Variants in ACTA1 observed in about 807,000 individuals in gnomAD.
ACTA1 encodes actin alpha 1, skeletal muscle, also known as actin, alpha skeletal muscle.
ACTA1 carries 25 observed loss-of-function variants against 35.8 expected under a neutral mutation model. That is an observed-to-expected ratio of 0.70 (90% CI 0.51 to 0.97). The LOEUF is 0.97. ACTA1 is among the 50% of genes least tolerant of loss of function. ACTA1 has a pLI of 0.00. For synonymous variants in ACTA1, 219 were observed against 217.1 expected (o/e 1.01, Z -0.08); for missense variants, 174 against 533.0 (o/e 0.33, Z 6.63).
chr1:229,432,146 C>A lies in ACTA1; in HGVS notation c.656G>T (p.Cys219Phe). Residue 219 changes from cysteine (C) to phenylalanine (F), a missense_variant, in exon 5 of 7, where the codon TGC (cysteine) becomes TTC (phenylalanine). By Grantham distance (205) the Cys-to-Phe change is radical (BLOSUM62 -2). Coordinates refer to ENST00000366684, the MANE Select transcript of ACTA1 (RefSeq NM_001100.4). ...GTTCTCGAAGTCCAGGGCCACGTAG[C>A]ACAGCTTCTCCTTGATGTCGCGCAC... ...EIVRDIKEKL[C>F]YVALDFENEM... The A allele has an allele frequency of 1.2e-6, 2 of 1,613,576 alleles. No individual in the cohort carries two copies. The highest frequency in any genetic ancestry group is 1.7e-6 in the Non-Finnish European group (2 of 1,179,868).
chr1:229,433,247 C>A, intron 1 of ACTA1, 120 bp from the exon 2 acceptor site: 2 of 1,391,564 alleles, frequency 1.4e-6, no homozygotes, highest in East Asian at 4.7e-5. Context: ...AGGGACATCT[C>A]CTGCCGGAGC....
At chr1:229,433,943 G>A (rs1177356335) in intron 1 of ACTA1, 61 bp downstream of exon 1, 1 of 152,464 alleles carries the variant, frequency 6.6e-6, no homozygotes, top group Non-Finnish European at 1.5e-5. Flanking sequence ...CTGCCCCGGA[G>A]TCCTTCAGGT....
Position 229,433,140 on chromosome 1 carries a change from G to C in ACTA1, c.-12-13C>G. On this transcript the variant is annotated splice_polypyrimidine_tract_variant and intron_variant, in intron 1 of 6. Coordinates refer to ENST00000366684, the MANE Select transcript of ACTA1 (RefSeq NM_001100.4). ...TTGTGTCTAGTTTCTGCAAGGACAG[G>C]GAGACCGCGAAGAGGCGCGGTGCAT... is the stretch of plus-strand genomic sequence containing the variant. 6.2e-7 allele frequency: 1 copy of C among 1,613,970 alleles called. No homozygotes were observed. The highest frequency in any genetic ancestry group is 1.1e-5 in the South Asian group (1 of 91,080).
chr1:229,432,328 A>G lies in ACTA1; in HGVS notation c.558T>C (p.Asp186=), dbSNP rs1571893316. ...AIMRLDLAGR[D]LTDYLMKILT... The stretch of plus-strand genomic sequence containing the variant: ...GGATCTTCATCAGGTAGTCGGTGAG[A>G]TCGCGGCCCGCCAGGTCCAGGCGCA... Residue 186 remains aspartate, a synonymous_variant, in exon 4 of 7, where the codon GAT becomes GAC. Transcript: ENST00000366684. The G allele has an allele frequency of 1.9e-6, 3 of 1,613,684 alleles. No homozygotes were observed. Among genetic ancestry groups the G allele is most frequent in the South Asian group, 2.2e-5 (2 of 91,076 alleles).
chr1:229,432,504 GC>G (rs1187938235), intron 3 of ACTA1, 51 bp downstream of exon 3: 63 of 1,481,924 alleles, frequency 4.3e-5, no homozygotes, highest in Non-Finnish European at 5.6e-5. Flanking sequence ...AGCGGCGGGG[GC>G]GGGGGCGGGG....
Position 229,431,771 on chromosome 1 carries a change from G to T in ACTA1, c.940C>A (p.Arg314Ser). 6.2e-7 allele frequency: 1 copy of T among 1,614,194 alleles called. No individual in the cohort carries two copies. The highest frequency in any genetic ancestry group is 8.5e-7 in the Non-Finnish European group (1 of 1,180,034). Reference sequence around the variant, plus strand: ...AGCGCGGTGATCTCTTTCTGCATGCGGTCAGCGATCCCAGGGTACATCGTG... The same window carrying T: ...AGCGCGGTGATCTCTTTCTGCATGCTGTCAGCGATCCCAGGGTACATCGTG... ...GTTMYPGIAD[R>S]MQKEITALAP... The change falls in exon 6 of 7, where the codon CGC (arginine) becomes AGC (serine). Residue 314 changes from arginine (R) to serine (S), a missense_variant. Transcript: ENST00000366684. This position sits in a 1 kb window ranked among gnomAD's most constrained non-coding sequence, Gnocchi z 7.1.
At position 229,432,387 on chromosome 1, in the gene ACTA1, T is replaced by C. The variant is rs1017212416; in HGVS notation, c.499A>G (p.Ile167Val). The change falls in exon 4 of 7, where the codon ATT becomes GTT. Residue 167 changes from isoleucine to valine, a missense_variant. Ile to Val is a conservative substitution (Grantham distance 29). Transcript: ENST00000366684. ...TGCGGCAGCGCGTAGCCCTCATAAATGGGCACGTTGTGGGTGACGCCGTCG... is the reference window on the plus strand; with the variant it reads ...TGCGGCAGCGCGTAGCCCTCATAAACGGGCACGTTGTGGGTGACGCCGTCG... The part of the protein sequence containing the change: ...SGDGVTHNVP[I>V]YEGYALPHAI... 1.2e-6 allele frequency: 2 copies of C among 1,612,930 alleles called. No individual in the cohort carries two copies. The highest frequency in any genetic ancestry group is 1.6e-4 in the Middle Eastern group (1 of 6,080).
At position 229,432,302 on chromosome 1, in the gene ACTA1, AG is replaced by A; in HGVS notation, c.583del (p.Leu195SerfsTer9). The A allele has an allele frequency of 6.2e-7, 1 of 1,613,758 alleles. No homozygotes were observed. The highest frequency in any genetic ancestry group is 8.5e-7 in the Non-Finnish European group (1 of 1,179,838). ...RDLTDYLMKILTERGYSFVTT... is the reference protein window; with the variant it reads ...RDLTDYLMKIXTERGYSFVTT... ...CACGAAGGAGTAGCCACGCTCAGTG[AG>A]GATCTTCATCAGGTAGTCGGTGAGA... On this transcript the variant is annotated frameshift_variant, in exon 4 of 7. Transcript: ENST00000366684. LOFTEE classifies it high-confidence loss of function.
chr1:229,431,445 C>G lies in ACTA1; in HGVS notation c.*54G>C, dbSNP rs1458028822. ...GGGGTGGCTGGAGCTCAGCCGCCCC[C>G]CCATTGAGAAGATTCGTCGTCCTGA... On this transcript the variant is annotated 3_prime_UTR_variant, in exon 7 of 7. Coordinates refer to ENST00000366684, the MANE Select transcript of ACTA1 (RefSeq NM_001100.4). The surrounding 1 kb of genome is among the most constrained non-coding windows in gnomAD (Gnocchi z 7.1). 2 of 1,611,636 alleles carry G rather than the reference C, an allele frequency of 1.2e-6. No homozygotes were observed. Among genetic ancestry groups the G allele is most frequent in the East Asian group, 2.2e-5 (1 of 44,890 alleles).
In ACTA1 at chr1:229,433,027, C is replaced by T; in HGVS notation, c.89G>A (p.Arg30Lys). 3.1e-6 allele frequency: 5 copies of T among 1,613,870 alleles called. No individual in the cohort carries two copies. The highest frequency in any genetic ancestry group is 4.2e-6 in the Non-Finnish European group (5 of 1,179,854). The change falls in exon 2 of 7, where the codon AGG (arginine) becomes AAG (lysine). Residue 30 changes from arginine to lysine, a missense_variant. Arg to Lys is a conservative substitution (Grantham distance 26, BLOSUM62 2). Transcript: ENST00000366684. ...GCCCACGATGGACGGGAACACGGCC[C>T]TAGGGGCGTCATCCCCGGCGAAGCC... ...KAGFAGDDAP[R>K]AVFPSIVGRP...
rs1239748823 is a variant in ACTA1, at chr1:229,432,034, G to A, written c.768C>T (p.Arg256=). ...GGAAGAGCGTCTCCGGGCAGCGGAA[G>A]CGCTCGTTGCCGATGGTGATGACCT... ...DGQVITIGNE[R]FRCPETLFQP... The change falls in exon 5 of 7, where the codon CGC becomes CGT. Residue 256 remains arginine (R), a synonymous_variant. Coordinates refer to ENST00000366684, the MANE Select transcript of ACTA1 (RefSeq NM_001100.4). The A allele has an allele frequency of 3.1e-6, 5 of 1,611,900 alleles. No homozygotes were observed. The highest frequency in any genetic ancestry group is 4.2e-6 in the Non-Finnish European group (5 of 1,179,682).
At position 229,432,306 on chromosome 1, in the gene ACTA1, T is replaced by C. The variant is rs1172396901; in HGVS notation, c.580A>G (p.Ile194Val). The C allele has an allele frequency of 1.2e-6, 2 of 1,613,694 alleles. No homozygotes were observed. The highest frequency in any genetic ancestry group is 2.2e-5 in the South Asian group (2 of 91,078). Residue 194 changes from isoleucine (I) to valine (V), a missense_variant, in exon 4 of 7, where the codon ATC (isoleucine) becomes GTC (valine). Physicochemically the swap from Ile to Val is conservative, Grantham distance 29. Coordinates refer to ENST00000366684, the MANE Select transcript of ACTA1 (RefSeq NM_001100.4). ...AAGGAGTAGCCACGCTCAGTGAGGA[T>C]CTTCATCAGGTAGTCGGTGAGATCG... ...GRDLTDYLMK[I>V]LTERGYSFVT...
In ACTA1 at chr1:229,431,469, G is replaced by T; in HGVS notation, c.*30C>A. On this transcript the variant is annotated 3_prime_UTR_variant, in exon 7 of 7. Coordinates refer to ENST00000366684, the MANE Select transcript of ACTA1 (RefSeq NM_001100.4). This position sits in a 1 kb window ranked among gnomAD's most constrained non-coding sequence, Gnocchi z 7.1. Reference sequence around the variant, plus strand: ...CCCCATTGAGAAGATTCGTCGTCCTGAGAAGTCGCGTGCTGGAGGTGGAGT... The same window carrying T: ...CCCCATTGAGAAGATTCGTCGTCCTTAGAAGTCGCGTGCTGGAGGTGGAGT... 6.2e-7 allele frequency: 1 copy of T among 1,612,550 alleles called. No individual in the cohort carries two copies. The highest frequency in any genetic ancestry group is 1.1e-5 in the South Asian group (1 of 91,008).
chr1:229,433,235 C>T, intron 1 of ACTA1, 108 bp from the exon 2 acceptor site: 1 of 1,477,540 alleles, frequency 6.8e-7, no homozygotes, highest in Non-Finnish European at 9.4e-7. Flanking sequence ...CCCCAGGAAC[C>T]TAGGGACATC....
At chr1:229,432,914 C>T in intron 2 of ACTA1, 34 bp from the exon 3 acceptor site, 2 of 1,614,096 alleles carry the variant, frequency 1.2e-6, no homozygotes, top group South Asian at 1.1e-5. Context: ...CCCGTTAACG[C>T]CGCTCCGGGT....
chr1:229,432,536 T>A lies in ACTA1; in HGVS notation c.454+20A>T. ...CGGGGGCGGGGGCGGGAGAGGGGAC[T>A]GGGGGCAGCGGGCACTCACCGGTGG... On this transcript the variant is annotated intron_variant, in intron 3 of 6. Transcript: ENST00000366684. 1 of 1,461,258 alleles carries A rather than the reference T, an allele frequency of 6.8e-7. No individual in the cohort carries two copies. Among genetic ancestry groups the A allele is most frequent in the South Asian group, 1.2e-5 (1 of 83,988 alleles). The allele number at this position is 1,461,258 out of a possible 1,614,324, so 90.5% of individuals were successfully genotyped here.
In ACTA1 at chr1:229,432,976, G is replaced by T. The variant is rs199705335; in HGVS notation, c.129+11C>A. ...CCCGAGCCGGCTCCCTCTGCGGAGG[G>T]GCAGCCTGACCTGGTGTCGGGGGCG... On this transcript the variant is annotated intron_variant, in intron 2 of 6. Transcript: ENST00000366684. 1 of 1,613,588 alleles carries T rather than the reference G, an allele frequency of 6.2e-7. No homozygotes were observed. The highest frequency in any genetic ancestry group is 2.2e-5 in the East Asian group (1 of 44,858).
At position 229,431,914 on chromosome 1, in the gene ACTA1, G is replaced by GT. The variant is rs777994788; in HGVS notation, c.809-13_809-12insA. On this transcript the variant is annotated splice_polypyrimidine_tract_variant and intron_variant, in intron 5 of 6. Coordinates refer to ENST00000366684, the MANE Select transcript of ACTA1 (RefSeq NM_001100.4). The surrounding 1 kb of genome is among the most constrained non-coding windows in gnomAD (Gnocchi z 7.1). ...CGCCGACTCCATACCTGGGGACCGC[G>GT]GCGGGGAGCGTGAGCAGAAGCTCGG... 3.2e-6 allele frequency: 5 copies of GT among 1,571,296 alleles called. No individual in the cohort carries two copies. The highest frequency in any genetic ancestry group is 1.8e-5 in the Admixed American group (1 of 56,130).
chr1:229,432,546 G>T lies in ACTA1; in HGVS notation c.454+10C>A, dbSNP rs1259209386. 6.9e-6 allele frequency: 11 copies of T among 1,604,562 alleles called. No homozygotes were observed. Among genetic ancestry groups the T allele is most frequent in the Admixed American group, 1.7e-5 (1 of 59,806 alleles). ...GGCGGGAGAGGGGACTGGGGGCAGCGGGCACTCACCGGTGGTCCTGCCGGA... is the reference window on the plus strand; with the variant it reads ...GGCGGGAGAGGGGACTGGGGGCAGCTGGCACTCACCGGTGGTCCTGCCGGA... On this transcript the variant is annotated intron_variant, in intron 3 of 6. Coordinates refer to ENST00000366684, the MANE Select transcript of ACTA1 (RefSeq NM_001100.4).
Sources: gnomAD v4.1 joint callset for allele counts on GRCh38, gnomAD v4.1.1 for gene constraint, Gnocchi (gnomAD v3.1) non-coding constraint, MANE v1.5 for transcripts, NCBI Gene and HGNC (gene_info 2026-07-23, HGNC 2026-07-21) for gene names.